LHFPL6: variants seen among roughly 807,000 people sequenced by gnomAD.
LHFPL6 encodes the protein LHFPL tetraspan subfamily member 6.
LHFPL6 carries 9 observed loss-of-function variants against 20.6 expected under a neutral mutation model. That is an observed-to-expected ratio of 0.44 (90% CI 0.26 to 0.76). LHFPL6 has a LOEUF of 0.76. Ranked by LOEUF, LHFPL6 falls within the 30% of genes least tolerant of loss-of-function variation. The pLI is 0.20. For synonymous variants in LHFPL6, 105 were observed against 98.7 expected (o/e 1.06, Z -0.38); for missense variants, 218 against 253.5 (o/e 0.86, Z 0.95).
chr13:39,600,914 G>A lies in LHFPL6; in HGVS notation c.303C>T (p.Leu101=). 6.3e-7 allele frequency: 1 copy of A among 1,589,762 alleles called. No individual in the cohort carries two copies. Residue 101 remains leucine, a synonymous_variant, in exon 2 of 4, where the codon CTC becomes CTT. Coordinates refer to ENST00000379589, the MANE Select transcript of LHFPL6 (RefSeq NM_005780.3). ...AAACACAGCAACCCATGAGGGCAGTGAGCGCCACCAGGAGGAGGAGGCCAC... is the reference window on the plus strand; with the variant it reads ...AAACACAGCAACCCATGAGGGCAGTAAGCGCCACCAGGAGGAGGAGGCCAC... ...LGCGLLLLVA[L]TALMGCCVSD...
chr13:39,427,973 T>C (rs1262232759), intron 2 of LHFPL6, among the ~76,000 whole-genome samples: 1 of 152,226 alleles, frequency 6.6e-6, no homozygotes, highest in Non-Finnish European at 1.5e-5. Context: ...AAGTGCTGGC[T>C]CCCCGCTTCA....
intron 2 of LHFPL6, among the ~76,000 whole-genome samples, chr13:39,537,497 T>C (rs572895685): frequency 9.2e-5 from 14 of 152,238 alleles, no homozygotes; most frequent in South Asian, 4.2e-4. Flanking sequence ...ACTAGGAAAT[T>C]TCAGGGCTTT....
chr13:39,492,474 T>C (rs184446590), intron 2 of LHFPL6, among the ~76,000 whole-genome samples: 290 of 152,300 alleles, frequency 1.9e-3, no homozygotes, highest in African/African-American at 6.8e-3. Context: ...AATACATATT[T>C]CTTGTAGAGA....
rs144947636 is a variant in LHFPL6 at position 39,351,811 on chromosome 13, A to T, written c.485-7757T>A. Reference sequence around the variant, plus strand: ...TTCAAACTATATTCAAATAAAGCAAACACCAAACTGTACCCAATCCAGTTG... The same window carrying T: ...TTCAAACTATATTCAAATAAAGCAATCACCAAACTGTACCCAATCCAGTTG... On this transcript the variant is annotated intron_variant, in intron 3 of 3. Coordinates refer to ENST00000379589, the MANE Select transcript of LHFPL6 (RefSeq NM_005780.3). 6.1e-3 allele frequency among the ~76,000 whole-genome samples: 923 copies of T among 152,260 alleles called. 15 individuals carry two copies. Among genetic ancestry groups the T allele is most frequent in the African/African-American group, 0.021 (878 of 41,548 alleles).
At chr13:39,554,116 C>A (rs1566139782) in intron 2 of LHFPL6, among the ~76,000 whole-genome samples, 2 of 152,166 alleles carry the variant, frequency 1.3e-5, no homozygotes, top group Admixed American at 6.5e-5. Flanking sequence ...TCTCAGCTAC[C>A]AATAACACCA....
intron 2 of LHFPL6, among the ~76,000 whole-genome samples, chr13:39,520,247 A>G (rs1246697104): frequency 6.6e-6 from 1 of 152,232 alleles, no homozygotes; most frequent in Non-Finnish European, 1.5e-5. Context: ...AACACTGGGA[A>G]AAACAGAACG....
At chr13:39,519,048 C>T (rs1418995393) in intron 2 of LHFPL6, among the ~76,000 whole-genome samples, 1 of 152,132 alleles carries the variant, frequency 6.6e-6, no homozygotes, top group Non-Finnish European at 1.5e-5. Context: ...CCAGCCTGGC[C>T]AGCATGGCAA....
At chr13:39,366,350 C>A (rs1870012658) in intron 3 of LHFPL6, among the ~76,000 whole-genome samples, 2 of 152,140 alleles carry the variant, frequency 1.3e-5, no homozygotes, top group Non-Finnish European at 2.9e-5. Flanking sequence ...AGATCTAATT[C>A]TACCAATAAA....
intron 2 of LHFPL6, among the ~76,000 whole-genome samples, chr13:39,492,813 TG>T (rs1482327065): frequency 4.1e-4 from 63 of 152,050 alleles, no homozygotes; most frequent in Non-Finnish European, 7.9e-4. Context: ...CCCGAGTAGC[TG>T]GGATTACAGG....
intron 2 of LHFPL6, among the ~76,000 whole-genome samples, chr13:39,429,881 C>T (rs935131480): frequency 6.6e-6 from 1 of 152,336 alleles, no homozygotes; most frequent in South Asian, 2.1e-4. Context: ...CAGCATTTGA[C>T]ATATGTGATC....
chr13:39,571,138 T>C (rs1871900240), intron 2 of LHFPL6, among the ~76,000 whole-genome samples: 2 of 152,214 alleles, frequency 1.3e-5, no homozygotes, highest in African/African-American at 2.4e-5. Flanking sequence ...TGTGACCACA[T>C]ATTGATAATG....
chr13:39,448,014 C>A (rs933968595), intron 2 of LHFPL6, among the ~76,000 whole-genome samples: 6 of 152,218 alleles, frequency 3.9e-5, no homozygotes, highest in African/African-American at 1.4e-4. Context: ...ATCCTAATCT[C>A]CTTCATTGTA....
chr13:39,509,524 T>A (rs1429420271), intron 2 of LHFPL6, among the ~76,000 whole-genome samples: 2 of 152,178 alleles, frequency 1.3e-5, no homozygotes, highest in East Asian at 3.8e-4. Flanking sequence ...ATATGCCTAT[T>A]TTTAAATTTG....
intron 2 of LHFPL6, among the ~76,000 whole-genome samples, chr13:39,421,590 A>T (rs778219635): frequency 2.6e-5 from 4 of 152,210 alleles, no homozygotes. Flanking sequence ...TTCCAATTGA[A>T]TATTCAAATG....
intron 2 of LHFPL6, among the ~76,000 whole-genome samples, chr13:39,517,162 G>T (rs1178844914): frequency 3.3e-5 from 5 of 152,176 alleles, no homozygotes; most frequent in Admixed American, 6.5e-5. Context: ...CCGTAGGGGG[G>T]TAATGAGAAC....
At chr13:39,545,951 A>G (rs1196713087) in intron 2 of LHFPL6, among the ~76,000 whole-genome samples, 1 of 152,000 alleles carries the variant, frequency 6.6e-6, no homozygotes, top group Non-Finnish European at 1.5e-5. Context: ...TATTATTTTT[A>G]TTGTTGTATT....
intron 2 of LHFPL6, among the ~76,000 whole-genome samples, chr13:39,452,425 G>A (rs768927400): frequency 1.3e-5 from 2 of 152,186 alleles, no homozygotes; most frequent in African/African-American, 4.8e-5. Flanking sequence ...CTTCAACTTA[G>A]AGAAGAGAAA....
intron 2 of LHFPL6, among the ~76,000 whole-genome samples, chr13:39,436,017 A>G (rs1295718032): frequency 1.3e-5 from 2 of 151,474 alleles, no homozygotes; most frequent in Middle Eastern, 3.2e-3. Context: ...GTTTAATATT[A>G]TTTTTAAATT....
At chr13:39,414,086 C>G (rs1401309849) in intron 2 of LHFPL6, among the ~76,000 whole-genome samples, 3 of 152,154 alleles carry the variant, frequency 2.0e-5, no homozygotes, top group Non-Finnish European at 1.5e-5. Flanking sequence ...TGGACAATTT[C>G]CAGTGTTTGA....
Sources: allele counts gnomAD v4.1 joint callset (sites outside exome capture counted in the v4.1 genomes callset), GRCh38; gene constraint gnomAD v4.1.1; transcripts MANE v1.5; gene names NCBI Gene and HGNC (gene_info 2026-07-23, HGNC 2026-07-21).